Variants in DMXL1 observed in about 807,000 individuals in gnomAD.
DMXL1 encodes the protein Dmx like 1, also known as dmX-like protein 1.
Under a neutral mutation model 319.2 loss-of-function variants are expected in DMXL1, and 99 were observed. That is an observed-to-expected ratio of 0.31 (90% confidence interval 0.26 to 0.37). The LOEUF is 0.37. Ranked by LOEUF, DMXL1 falls within the 10% of genes least tolerant of loss-of-function variation. DMXL1 has a pLI of 1.00. For missense variants in DMXL1, 3,745 were observed against 3,595.6 expected, an observed-to-expected ratio of 1.04 and a Z score of -1.06; for synonymous variants, 1,385 against 1,235.2, an observed-to-expected ratio of 1.12 and a Z score of -2.54.
At position 119,166,729 on chromosome 5, in the gene DMXL1, A is replaced by G; in HGVS notation, c.5084A>G (p.Glu1695Gly). 1.2e-6 allele frequency: 2 copies of G among 1,613,162 alleles called. No individual in the cohort carries two copies. The highest frequency in any genetic ancestry group is 1.1e-5 in the South Asian group (1 of 90,878). ...AFSLLGKQRF[E>G]HSAAFFLLAG... ...TCTTTGCTAGGCAAACAAAGATTTG[A>G]ACATTCTGCAGCATTTTTTCTTTTA... Residue 1695 changes from glutamate (E) to glycine (G), a missense_variant, in exon 22 of 44, where the codon GAA becomes GGA. Glu to Gly is a moderately conservative substitution (Grantham distance 98, BLOSUM62 -2). This residue lies in a region of DMXL1 where 1,382 missense variants were observed against 1,269.5 expected (regional missense o/e 1.09). Transcript: ENST00000539542.
chr5:119,110,509 A>C (rs565238523), intron 5 of DMXL1, among the ~76,000 whole-genome samples: 1 of 152,360 alleles, frequency 6.6e-6, no homozygotes, highest in African/African-American at 2.4e-5. Context: ...TAAGGCTTAC[A>C]TGAAGACCAT....
intron 9 of DMXL1, chr5:119,128,379 C>T (rs1764064859): frequency 7.7e-6 from 2 of 260,802 alleles, no homozygotes; most frequent in Admixed American, 7.9e-5. Flanking sequence ...CAGGGTTCTT[C>T]CGTTGAGCTA....
chr5:119,180,668 A>G (rs546897182), intron 28 of DMXL1, among the ~76,000 whole-genome samples: 11 of 152,062 alleles, frequency 7.2e-5, no homozygotes, highest in African/African-American at 2.7e-4. Context: ...TTTTGTATAG[A>G]TTTTTTTAAA....
intron 32 of DMXL1, among the ~76,000 whole-genome samples, chr5:119,201,361 C>T (rs578234836): frequency 6.6e-6 from 1 of 152,118 alleles, no homozygotes; most frequent in African/African-American, 2.4e-5. Context: ...TTATGTGATT[C>T]ATCACATTTG....
At chr5:119,199,637 G>A (rs181998731) in intron 32 of DMXL1, among the ~76,000 whole-genome samples, 105 of 152,230 alleles carry the variant, frequency 6.9e-4, no homozygotes, top group African/African-American at 2.4e-3. Flanking sequence ...TTGAGGAATC[G>A]CCATACTGCT....
At chr5:119,082,020 T>TATATATATATACAC (rs1200957102) in intron 1 of DMXL1, among the ~76,000 whole-genome samples, 4 of 108,164 alleles carry the variant, frequency 3.7e-5, no homozygotes, top group Non-Finnish European at 7.0e-5. Flanking sequence ...TATATATATA[T>TATATATATATACAC]ACACACACAC....
chr5:119,103,867 A>T (rs911492133), intron 3 of DMXL1, among the ~76,000 whole-genome samples: 4 of 152,214 alleles, frequency 2.6e-5, no homozygotes, highest in African/African-American at 7.2e-5. Context: ...GAGAATTTCA[A>T]TGTTTGCCCA....
At chr5:119,132,371 C>T (rs1378007457) in intron 10 of DMXL1, among the ~76,000 whole-genome samples, 3 of 152,140 alleles carry the variant, frequency 2.0e-5, no homozygotes. Context: ...GCATATACCA[C>T]TGTCAGATTA....
Position 119,081,220 on chromosome 5 carries a change from C to T in DMXL1, c.87+9564C>T, listed in dbSNP as rs1404980270. Among the ~76,000 whole-genome samples the T allele has an allele frequency of 2.6e-5, 4 of 152,104 alleles. 1 individual carries two copies. The East Asian group carries it at 5.8e-4, about 22-fold the overall frequency. Reference sequence around the variant, plus strand: ...CTGGGCAAGGCAAAGAAGACAGCTGCGTTTGGGCTGCCTCCCCTTCTTCAC... The same window carrying T: ...CTGGGCAAGGCAAAGAAGACAGCTGTGTTTGGGCTGCCTCCCCTTCTTCAC... On this transcript the variant is annotated intron_variant, in intron 1 of 43. Coordinates refer to ENST00000539542, the MANE Select transcript of DMXL1 (RefSeq NM_001290321.3).
chr5:119,171,684 G>T, intron 24 of DMXL1, 94 bp from the exon 25 acceptor site: 3 of 940,462 alleles, frequency 3.2e-6, no homozygotes, highest in Non-Finnish European at 4.6e-6. Context: ...TTTTTTAATT[G>T]TTTTGAAGTG....
At chr5:119,239,487 G>A (rs1349080183) in intron 41 of DMXL1, among the ~76,000 whole-genome samples, 5 of 152,104 alleles carry the variant, frequency 3.3e-5, no homozygotes, top group Admixed American at 6.5e-5. Context: ...AGTTTTCTTT[G>A]TGCTTAAGAA....
chr5:119,189,106 ACTAT>A (rs1196497649), intron 28 of DMXL1, among the ~76,000 whole-genome samples: 2 of 152,312 alleles, frequency 1.3e-5, no homozygotes, highest in East Asian at 1.9e-4. Flanking sequence ...CTAAAAAAAT[ACTAT>A]CTAATTATAG....
At position 119,193,952 on chromosome 5, in the gene DMXL1, C is replaced by T. The variant is rs1434064817; in HGVS notation, c.7439C>T (p.Ser2480Phe). The T allele has an allele frequency of 1.9e-6, 3 of 1,605,786 alleles. No individual in the cohort carries two copies. Among genetic ancestry groups the T allele is most frequent in the Non-Finnish European group, 1.7e-6 (2 of 1,174,898 alleles). ...TCAGATTTCCATCTCCAGGAACATT[C>T]TAATTCAAATTCATATAGGTATGGT... ...LASDFHLQEH[S>F]NSNSYSWSLM... The change falls in exon 30 of 44, where the codon TCT becomes TTT. Residue 2480 changes from serine to phenylalanine, a missense_variant. By Grantham distance (155) the Ser-to-Phe change is radical (BLOSUM62 -2). Coordinates refer to ENST00000539542, the MANE Select transcript of DMXL1 (RefSeq NM_001290321.3).
intron 40 of DMXL1, among the ~76,000 whole-genome samples, chr5:119,238,145 A>G (rs981796692): frequency 9.9e-5 from 15 of 151,312 alleles, no homozygotes; most frequent in African/African-American, 3.7e-4. Context: ...TCTCTAAGGG[A>G]CTGTTTTTTT....
chr5:119,199,565 AC>A (rs1325137030), intron 32 of DMXL1, among the ~76,000 whole-genome samples: 2 of 152,082 alleles, frequency 1.3e-5, no homozygotes, highest in African/African-American at 4.8e-5. Context: ...GATTTATATT[AC>A]CCTAGGTATA....
chr5:119,191,181 C>T (rs951549736), intron 29 of DMXL1, among the ~76,000 whole-genome samples: 17 of 152,118 alleles, frequency 1.1e-4, no homozygotes, highest in Non-Finnish European at 1.8e-4. Context: ...TTTATGCGTG[C>T]GTGGTCATTT....
At chr5:119,111,280 T>TA (rs1759533199) in intron 5 of DMXL1, among the ~76,000 whole-genome samples, 1 of 152,200 alleles carries the variant, frequency 6.6e-6, no homozygotes, top group Non-Finnish European at 1.5e-5. Context: ...TGGTAGCCAC[T>TA]AATTACATGT....
At chr5:119,155,030 G>T (rs942454311) in intron 19 of DMXL1, among the ~76,000 whole-genome samples, 4 of 152,194 alleles carry the variant, frequency 2.6e-5, no homozygotes, top group Non-Finnish European at 5.9e-5. Flanking sequence ...CTGAATATTT[G>T]CAGCCTACTA....
rs2149637293 is a variant in DMXL1, at chr5:119,071,538, T to A, written c.-32T>A. On this transcript the variant is annotated 5_prime_UTR_variant, in exon 1 of 44. It removes an upstream start codon present in the reference 5' UTR. Transcript: ENST00000539542. ...CCGCTGACCCGTGGCATGAGCTGGA[T>A]GCGGTGTCCGTTGCAGGACTAGGGC... 1 of 1,580,974 alleles carries A rather than the reference T, an allele frequency of 6.3e-7. No individual in the cohort carries two copies. Among genetic ancestry groups the A allele is most frequent in the East Asian group, 2.3e-5 (1 of 43,150 alleles).
Sources: allele counts gnomAD v4.1 joint callset (sites outside exome capture counted in the v4.1 genomes callset), GRCh38; gene constraint gnomAD v4.1.1; regional missense constraint gnomAD v4.1.1; transcripts MANE v1.5; gene names NCBI Gene and HGNC (gene_info 2026-07-23, HGNC 2026-07-21).